The following NUP93 variants were observed in gnomAD, a reference collection of about 807,000 sequenced individuals.
NUP93 encodes nuclear pore complex protein Nup93.
A neutral mutation model predicts 107.8 loss-of-function variants in NUP93; 55 were observed. The ratio of observed to expected loss-of-function variants is 0.51; its 90% CI spans 0.41 to 0.64. The LOEUF (loss-of-function observed/expected upper bound fraction) is 0.64, where lower values mean the gene tolerates loss of function less well. Among genes scored for constraint, NUP93 ranks in the 30% least tolerant of loss-of-function variants. The pLI is 0.00. For missense variants in NUP93, 937 were observed against 1,044.7 expected (o/e 0.90, Z 1.42); for synonymous variants, 390 against 397.5 (o/e 0.98, Z 0.22).
chr16:56,844,511 C>G lies in NUP93; in HGVS notation c.2362C>G (p.Gln788Glu). ...IEDRDSQLRS[Q>E]ARTLITFAGM... ...CCTTCTCTCTCAGCAACTCCGAAGT[C>G]AAGCCCGCACTCTGATTACCTTTGC... The change falls in exon 22 of 22, where the codon CAA (glutamine) becomes GAA (glutamate). Residue 788 changes from glutamine to glutamate, a missense_variant. By Grantham distance (29) the Gln-to-Glu change is conservative. Transcript: ENST00000308159. 1 of 1,479,012 alleles carries G rather than the reference C, an allele frequency of 6.8e-7. No homozygotes were observed. Among genetic ancestry groups the G allele is most frequent in the Non-Finnish European group, 9.0e-7 (1 of 1,108,020 alleles). The allele number at this position is 1,479,012 out of a possible 1,614,324, so 91.6% of individuals were successfully genotyped here. A position where few individuals can be genotyped will look rare whatever the true frequency, so the allele number is the denominator to read the frequency against.
intron 3 of NUP93, chr16:56,782,624 C>G (rs1962537906): frequency 6.6e-6 from 1 of 152,028 alleles, no homozygotes; most frequent in Non-Finnish European, 1.5e-5. Flanking sequence ...AAAACCAGAT[C>G]CTTCTTTGGG....
At position 56,849,836 on chromosome 16, in the gene NUP93, G is replaced by T. The variant is rs1180057682; in HGVS notation, c.*5227G>T. ...TTGGATTACCCTGATTTTGTGCATT[G>T]TTTGTGCTTTTGTGGGCATCGGAAA... On this transcript the variant is annotated 3_prime_UTR_variant, in exon 22 of 22. Coordinates refer to ENST00000308159, the MANE Select transcript of NUP93 (RefSeq NM_014669.5). 1.3e-5 allele frequency: 2 copies of T among 152,176 alleles called. No homozygotes were observed. Among genetic ancestry groups the T allele is most frequent in the African/African-American group, 4.8e-5 (2 of 41,438 alleles). The allele number at this position is 152,176 out of a possible 1,614,324, so 9.4% of individuals were successfully genotyped here. A position where few individuals can be genotyped will look rare whatever the true frequency, so the allele number is the denominator to read the frequency against.
intron 11 of NUP93, 108 bp downstream of exon 11, chr16:56,832,115 C>A: frequency 2.2e-6 from 3 of 1,383,566 alleles, no homozygotes; most frequent in South Asian, 1.3e-5. Flanking sequence ...GTGATCAGGA[C>A]CAGTGGGTTC....
chr16:56,751,776 A>G (rs1372731805), intron 2 of NUP93, among the ~76,000 whole-genome samples: 2 of 152,156 alleles, frequency 1.3e-5, no homozygotes, highest in Admixed American at 6.5e-5. Flanking sequence ...ACTCTCCTGG[A>G]ACTGGAAGGA....
intron 4 of NUP93, among the ~76,000 whole-genome samples, chr16:56,804,570 C>T (rs1963091426): frequency 6.6e-6 from 1 of 151,924 alleles, no homozygotes; most frequent in Non-Finnish European, 1.5e-5. Flanking sequence ...GATGATTGCA[C>T]AATAATGAGA....
intron 3 of NUP93, among the ~76,000 whole-genome samples, chr16:56,793,094 A>G (rs1173411228): frequency 1.3e-5 from 2 of 152,210 alleles, no homozygotes; most frequent in African/African-American, 4.8e-5. Flanking sequence ...AATTGCCTAG[A>G]GCAGTGTCTG....
chr16:56,763,499 G>A (rs1479924788), intron 3 of NUP93, among the ~76,000 whole-genome samples: 2 of 149,036 alleles, frequency 1.3e-5, no homozygotes, highest in Admixed American at 1.3e-4. Context: ...TGTGTGTGTG[G>A]GTGGGTGTGT....
At chr16:56,765,288 T>G (rs1382684297) in intron 3 of NUP93, among the ~76,000 whole-genome samples, 1 of 152,276 alleles carries the variant, frequency 6.6e-6, no homozygotes, top group African/African-American at 2.4e-5. Context: ...TGCATTTATT[T>G]ATCTCCTTTG....
intron 18 of NUP93, 24 bp from the exon 19 acceptor site, chr16:56,838,928 C>T: frequency 1.3e-6 from 2 of 1,519,386 alleles, no homozygotes; most frequent in South Asian, 1.1e-5. Context: ...CTCTTACTAC[C>T]CCCACCCCGT....
intron 3 of NUP93, among the ~76,000 whole-genome samples, chr16:56,767,254 GC>G (rs1232367188): frequency 6.6e-6 from 1 of 152,248 alleles, no homozygotes; most frequent in African/African-American, 2.4e-5. Flanking sequence ...GCAAAATCCT[GC>G]CTGTGCTTTC....
At chr16:56,797,052 G>A (rs1400399327) in intron 3 of NUP93, among the ~76,000 whole-genome samples, 3 of 151,988 alleles carry the variant, frequency 2.0e-5, no homozygotes, top group Non-Finnish European at 4.4e-5. Context: ...ATCACTTGTG[G>A]TTGAGCCAAC....
chr16:56,841,827 C>T lies in NUP93; in HGVS notation c.2343C>T (p.Arg781=), dbSNP rs1267768360. The T allele has an allele frequency of 6.2e-6, 10 of 1,613,780 alleles. No homozygotes were observed. Among genetic ancestry groups the T allele is most frequent in the African/African-American group, 4.0e-5 (3 of 74,934 alleles). The change falls in exon 21 of 22, where the codon CGC becomes CGT. Residue 781 remains arginine, a synonymous_variant. Transcript: ENST00000308159. ...GGCCCCAGCGAGTCATCGAGGACCG[C>T]GACTCTGTAAGATCCCAGCATTCGC... ...SSRPQRVIED[R]DSQLRSQART...
At chr16:56,770,804 C>G (rs1446155766) in intron 3 of NUP93, among the ~76,000 whole-genome samples, 2 of 152,096 alleles carry the variant, frequency 1.3e-5, no homozygotes, top group African/African-American at 4.8e-5. Context: ...TAGCTCAAGC[C>G]TGTAATCCCA....
rs372034195 is a variant in NUP93, at chr16:56,816,246, C to G, written c.490-2418C>G. 2.0e-5 allele frequency among the ~76,000 whole-genome samples: 3 copies of G among 152,198 alleles called. No individual in the cohort carries two copies. In the East Asian group the frequency reaches 5.8e-4, roughly 29 times the overall value. ...ATAGTGTTGGCACATAGTAAGTGCT[C>G]ATTAATAGCTGTTGTTATTATTGTA... On this transcript the variant is annotated intron_variant, in intron 5 of 21. Transcript: ENST00000308159.
intron 19 of NUP93, 102 bp from the exon 20 acceptor site, chr16:56,839,419 T>C: frequency 1.2e-6 from 1 of 845,298 alleles, no homozygotes. Flanking sequence ...GCGTTTTCTA[T>C]GAAGAAGCCC....
At chr16:56,750,279 G>T (rs1195769375) in intron 2 of NUP93, among the ~76,000 whole-genome samples, 1 of 152,160 alleles carries the variant, frequency 6.6e-6, no homozygotes, top group East Asian at 1.9e-4. Context: ...CCAAAGGGCT[G>T]ATGACTGTGT....
intron 8 of NUP93, among the ~76,000 whole-genome samples, chr16:56,824,415 G>A (rs559708346): frequency 1.3e-5 from 2 of 152,270 alleles, no homozygotes; most frequent in African/African-American, 2.4e-5. Context: ...CTTTGTGCCC[G>A]AAGTATTGTT....
intron 3 of NUP93, among the ~76,000 whole-genome samples, chr16:56,796,232 A>G (rs1286229435): frequency 1.3e-5 from 2 of 152,222 alleles, no homozygotes; most frequent in Non-Finnish European, 2.9e-5. Context: ...CAAATATACA[A>G]CAGTGGTCCC....
intron 3 of NUP93, among the ~76,000 whole-genome samples, chr16:56,774,220 A>T (rs1284120056): frequency 3.3e-5 from 5 of 152,148 alleles, no homozygotes; most frequent in African/African-American, 1.2e-4. Flanking sequence ...TGCAAATGTT[A>T]ATAATTCATG....
Sources: gnomAD v4.1 joint callset for allele counts (sites outside exome capture counted in the v4.1 genomes callset) on GRCh38, gnomAD v4.1.1 for gene constraint, MANE v1.5 for transcripts, NCBI Gene and HGNC (gene_info 2026-07-23, HGNC 2026-07-21) for gene names.